SARS1: variants seen among roughly 807,000 people sequenced by gnomAD.
SARS1 encodes serine--tRNA ligase, cytoplasmic.
Under a neutral mutation model 63.7 loss-of-function variants are expected in SARS1, and 25 were observed. The observed-to-expected ratio is 0.39, with a 90% CI of 0.29 to 0.55. The LOEUF is 0.55. Ranked by LOEUF, SARS1 falls within the 20% of genes least tolerant of loss-of-function variation. The probability of loss-of-function intolerance (pLI) is 0.62; values close to 1 mark genes in which losing one functional copy is unlikely to be tolerated. For missense variants in SARS1, 417 were observed against 649.7 expected, an observed-to-expected ratio of 0.64 and a Z score of 3.89; for synonymous variants, 231 against 243.5, an observed-to-expected ratio of 0.95 and a Z score of 0.48.
intron 1 of SARS1, among the ~76,000 whole-genome samples, chr1:109,218,406 CTTT>C (rs34756917): frequency 8.4e-6 from 1 of 118,674 alleles, no homozygotes. Flanking sequence ...AGATATTTTA[CTTT>C]TTTTTTTTTT....
At chr1:109,231,101 A>G in intron 5 of SARS1, 80 bp downstream of exon 5, 1 of 862,778 alleles carries the variant, frequency 1.2e-6, no homozygotes, top group Non-Finnish European at 1.5e-6. Flanking sequence ...TTTTTTTTGT[A>G]GAGAAACATA....
Position 109,236,029 on chromosome 1 carries a change from T to A in SARS1, c.1022T>A (p.Phe341Tyr). 6.2e-7 allele frequency: 1 copy of A among 1,613,888 alleles called. No individual in the cohort carries two copies. Among genetic ancestry groups the A allele is most frequent in the East Asian group, 2.2e-5 (1 of 44,874 alleles). The change falls in exon 8 of 11, where the codon TTT becomes TAT. Residue 341 changes from phenylalanine (F) to tyrosine (Y), a missense_variant. Transcript: ENST00000234677. The stretch of plus-strand genomic sequence containing the variant: ...CATGACAACAAGTCATGGGAGATGT[T>A]TGAAGAGATGATTACCACCGCAGAG... ...SPHDNKSWEM[F>Y]EEMITTAEEF... is the part of the protein sequence containing the mutation.
chr1:109,213,927 C>G lies in SARS1; in HGVS notation c.-66C>G. On this transcript the variant is annotated 5_prime_UTR_variant, in exon 1 of 11. Transcript: ENST00000234677. Reference sequence around the variant, plus strand: ...GGGTCAGCGCGCCGGCGCAGTGCGGCGGTCACAGGCTGAGTGCTGCGGCGC... The same window carrying G: ...GGGTCAGCGCGCCGGCGCAGTGCGGGGGTCACAGGCTGAGTGCTGCGGCGC... 6.7e-7 allele frequency: 1 copy of G among 1,498,974 alleles called. No homozygotes were observed. Among genetic ancestry groups the G allele is most frequent in the Non-Finnish European group, 8.9e-7 (1 of 1,119,812 alleles). The allele number at this position is 1,498,974 out of a possible 1,614,324, so 92.9% of individuals were successfully genotyped here.
intron 1 of SARS1, among the ~76,000 whole-genome samples, chr1:109,221,960 T>TTTTTTTTGTGTGTG (rs771565091): frequency 9.9e-5 from 1 of 10,078 alleles, no homozygotes; most frequent in African/African-American, 1.5e-4. Flanking sequence ...GCTAATTTTT[T>TTTTTTTTGTGTGTG]TGTGTGTGTG....
Position 109,235,160 on chromosome 1 carries a change from C to A in SARS1, c.748-50C>A. 1 of 1,445,758 alleles carries A rather than the reference C, an allele frequency of 6.9e-7. No individual in the cohort carries two copies. The highest frequency in any genetic ancestry group is 9.7e-7 in the Non-Finnish European group (1 of 1,028,004). The allele number at this position is 1,445,758 out of a possible 1,614,324, so 89.6% of individuals were successfully genotyped here. A position where few individuals can be genotyped will look rare whatever the true frequency, so the allele number is the denominator to read the frequency against. ...CTTTCTTGTGGTTTCTTATTCTAGC[C>A]AAGGTCCTCCCCACTTCCTCTTAAC... is the stretch of plus-strand genomic sequence containing the variant. On this transcript the variant is annotated intron_variant, in intron 6 of 10. Transcript: ENST00000234677. This position sits in a 1 kb window ranked among gnomAD's most constrained non-coding sequence, Gnocchi z 4.7.
At chr1:109,215,509 T>C in intron 1 of SARS1, 1 of 984,892 alleles carries the variant, frequency 1.0e-6, no homozygotes. Context: ...GATATACATA[T>C]ACACATTTAT....
At chr1:109,215,923 C>G in intron 1 of SARS1, 3 of 576,488 alleles carry the variant, frequency 5.2e-6, no homozygotes, top group Non-Finnish European at 6.6e-6. Flanking sequence ...AGGCTGGTCT[C>G]TAACTCCTGA....
Position 109,214,136 on chromosome 1 carries a change from C to T in SARS1, c.136+8C>T. The T allele has an allele frequency of 1.9e-6, 3 of 1,613,034 alleles. No homozygotes were observed. Among genetic ancestry groups the T allele is most frequent in the Non-Finnish European group, 2.5e-6 (3 of 1,179,464 alleles). On this transcript the variant is annotated splice_region_variant and intron_variant, in intron 1 of 10. Coordinates refer to ENST00000234677, the MANE Select transcript of SARS1 (RefSeq NM_006513.4). The surrounding 1 kb of genome is among the most constrained non-coding windows in gnomAD (Gnocchi z 4.6). ...ACAGCGAGTGGCGACGATGTAAGTACCGGGACGGGCGGGTTACCTCCTTGA... is the reference window on the plus strand; with the variant it reads ...ACAGCGAGTGGCGACGATGTAAGTATCGGGACGGGCGGGTTACCTCCTTGA...
At chr1:109,218,884 G>A (rs1654856137) in intron 1 of SARS1, among the ~76,000 whole-genome samples, 1 of 151,862 alleles carries the variant, frequency 6.6e-6, no homozygotes, top group Non-Finnish European at 1.5e-5. Context: ...TATTTTTATT[G>A]ACATAGATAC....
At chr1:109,217,383 T>A (rs1360236470) in intron 1 of SARS1, among the ~76,000 whole-genome samples, 1 of 152,074 alleles carries the variant, frequency 6.6e-6, no homozygotes, top group Non-Finnish European at 1.5e-5. Context: ...CTCATGTAAT[T>A]TATTACTATT....
chr1:109,236,738 A>G, intron 9 of SARS1, 190 bp downstream of exon 9: 1 of 1,529,492 alleles, frequency 6.5e-7, no homozygotes, highest in Non-Finnish European at 8.8e-7. Context: ...TAGAAACCTG[A>G]ATCTAGCTCT....
intron 6 of SARS1, among the ~76,000 whole-genome samples, chr1:109,234,225 A>G (rs1386303146): frequency 6.6e-6 from 1 of 150,952 alleles, no homozygotes; most frequent in Admixed American, 6.6e-5. Context: ...GGTTTCACCA[A>G]GTTGTCCAGG....
chr1:109,219,362 A>G (rs1336292808), intron 1 of SARS1, among the ~76,000 whole-genome samples: 2 of 143,640 alleles, frequency 1.4e-5, no homozygotes, highest in African/African-American at 5.1e-5. Flanking sequence ...TATGACATTT[A>G]CAGCACACCA....
chr1:109,223,110 T>A (rs1483402290), intron 1 of SARS1, among the ~76,000 whole-genome samples: 6 of 152,242 alleles, frequency 3.9e-5, no homozygotes. Flanking sequence ...AGACTGATGA[T>A]CCATGATACC....
intron 2 of SARS1, among the ~76,000 whole-genome samples, chr1:109,224,571 A>G (rs1201336091): frequency 3.9e-5 from 6 of 152,164 alleles, no homozygotes; most frequent in Non-Finnish European, 8.8e-5. Context: ...GGATAGAACT[A>G]AATTTCTTTT....
intron 1 of SARS1, chr1:109,215,732 GTC>G: frequency 1.2e-6 from 1 of 850,450 alleles, no homozygotes; most frequent in Non-Finnish European, 1.4e-6. Flanking sequence ...TTGAGACGGA[GTC>G]TCTCATTATC....
rs929003988 is a variant in SARS1, at chr1:109,235,586, C to T, written c.969+155C>T. Among the ~76,000 whole-genome samples the T allele has an allele frequency of 2.0e-5, 3 of 152,106 alleles. No homozygotes were observed. Among genetic ancestry groups the T allele is most frequent in the Non-Finnish European group, 4.4e-5 (3 of 68,014 alleles). ...TCTGGGGAAGTGCATGGTGGAGTGG[C>T]GTGGATTATGGACCCTGAAACCAGG... On this transcript the variant is annotated intron_variant, in intron 7 of 10. Coordinates refer to ENST00000234677, the MANE Select transcript of SARS1 (RefSeq NM_006513.4). This position sits in a 1 kb window ranked among gnomAD's most constrained non-coding sequence, Gnocchi z 4.7.
chr1:109,228,566 C>T (rs187044932), intron 3 of SARS1, 134 bp downstream of exon 3: 1 of 635,184 alleles, frequency 1.6e-6, no homozygotes, highest in Admixed American at 2.9e-5. Context: ...GAAATGTCCC[C>T]ACCCATTCTT....
intron 3 of SARS1, 33 bp downstream of exon 3, chr1:109,228,465 C>A: frequency 6.9e-7 from 1 of 1,459,392 alleles, no homozygotes. Context: ...GTTAGGATCT[C>A]TGCTATTTTG....
Sources: allele counts gnomAD v4.1 joint callset (sites outside exome capture counted in the v4.1 genomes callset), GRCh38; gene constraint gnomAD v4.1.1; non-coding constraint Gnocchi (gnomAD v3.1); transcripts MANE v1.5; gene names NCBI Gene and HGNC (gene_info 2026-07-23, HGNC 2026-07-21).